Variants in PCSK5 observed in about 807,000 individuals in gnomAD.
The protein encoded by PCSK5 is proprotein convertase subtilisin/kexin type 5, also known as prohormone convertase 5.
In PCSK5, 129 loss-of-function variants were observed where a neutral mutation model predicts 233.2. The ratio of observed to expected loss-of-function variants is 0.55; its 90% CI spans 0.48 to 0.64. PCSK5 has a LOEUF of 0.64. Among genes scored for constraint, PCSK5 ranks in the 30% least tolerant of loss-of-function variants. The pLI is 0.00. For synonymous variants in PCSK5, 825 were observed against 879.2 expected (o/e 0.94, Z 1.09); for missense variants, 2,076 against 2,430.1 (o/e 0.85, Z 3.06).
intron 10 of PCSK5, among the ~76,000 whole-genome samples, chr9:76,138,642 T>A (rs367788620): frequency 1.3e-5 from 2 of 152,186 alleles, no homozygotes; most frequent in African/African-American, 2.4e-5. Context: ...TAATTATAAT[T>A]GAATGCATGC....
intron 5 of PCSK5, among the ~76,000 whole-genome samples, chr9:76,028,979 C>A (rs1828545342): frequency 6.6e-6 from 1 of 152,026 alleles, no homozygotes; most frequent in African/African-American, 2.4e-5. Context: ...GATTCTAGTC[C>A]CTCCCCTTGG....
chr9:76,325,640 C>T (rs1420969799), intron 32 of PCSK5, among the ~76,000 whole-genome samples: 5 of 140,426 alleles, frequency 3.6e-5, no homozygotes, highest in African/African-American at 1.4e-4. Flanking sequence ...TGACATTGCA[C>T]TTTCTTTTTT....
intron 20 of PCSK5, chr9:76,193,481 T>TTTCTC: frequency 1.4e-6 from 1 of 702,920 alleles, no homozygotes; most frequent in East Asian, 2.8e-5. Flanking sequence ...TCTCTTTTTC[T>TTTCTC]TTCTCTCTCT....
intron 5 of PCSK5, among the ~76,000 whole-genome samples, chr9:76,034,658 A>G (rs1033734250): frequency 4.6e-5 from 7 of 152,076 alleles, no homozygotes; most frequent in Non-Finnish European, 7.4e-5. Context: ...CCCGCATGGT[A>G]TGAGCTGGTT....
intron 13 of PCSK5, among the ~76,000 whole-genome samples, chr9:76,173,389 C>A (rs979225943): frequency 1.3e-5 from 2 of 151,530 alleles, no homozygotes; most frequent in African/African-American, 4.8e-5. Context: ...TACCTTCCTA[C>A]CAGCATATGC....
At chr9:76,302,951 A>C (rs1029902667) in intron 28 of PCSK5, among the ~76,000 whole-genome samples, 1 of 145,654 alleles carries the variant, frequency 6.9e-6, no homozygotes, top group Non-Finnish European at 1.5e-5. Flanking sequence ...TTCTGGGTCA[A>C]AGTGGTTCTT....
At chr9:76,192,878 G>A (rs1375487551) in intron 20 of PCSK5, among the ~76,000 whole-genome samples, 1 of 151,906 alleles carries the variant, frequency 6.6e-6, no homozygotes, top group Non-Finnish European at 1.5e-5. Context: ...TAGATTCAAT[G>A]AAATATGGTA....
intron 12 of PCSK5, among the ~76,000 whole-genome samples, chr9:76,159,501 T>C (rs894658557): frequency 1.3e-5 from 2 of 152,252 alleles, no homozygotes; most frequent in Non-Finnish European, 2.9e-5. Context: ...TCTGTTGTCA[T>C]TCGTTACAGA....
At chr9:76,212,176 G>C (rs1051359313) in intron 20 of PCSK5, among the ~76,000 whole-genome samples, 1 of 152,136 alleles carries the variant, frequency 6.6e-6, no homozygotes, top group African/African-American at 2.4e-5. Context: ...GGACAGGATG[G>C]CCCCTCTGAA....
intron 2 of PCSK5, among the ~76,000 whole-genome samples, chr9:75,950,113 C>A (rs535047669): frequency 8.8e-6 from 1 of 113,702 alleles, no homozygotes; most frequent in Admixed American, 1.3e-4. Flanking sequence ...ACCCTTAAAC[C>A]TTTATAGTGG....
intron 5 of PCSK5, among the ~76,000 whole-genome samples, chr9:76,053,179 T>C (rs1040040425): frequency 6.6e-6 from 1 of 152,188 alleles, no homozygotes; most frequent in South Asian, 2.1e-4. Flanking sequence ...TGGAGGATGG[T>C]GGCCCTCTTC....
At chr9:76,214,549 A>T (rs1214286294) in intron 20 of PCSK5, among the ~76,000 whole-genome samples, 1 of 152,136 alleles carries the variant, frequency 6.6e-6, no homozygotes, top group Non-Finnish European at 1.5e-5. Flanking sequence ...TCATTGCCTC[A>T]ACTTTCTCAA....
At chr9:76,274,170 C>CT (rs1425293432) in intron 24 of PCSK5, among the ~76,000 whole-genome samples, 1 of 151,786 alleles carries the variant, frequency 6.6e-6, no homozygotes, top group African/African-American at 2.4e-5. Context: ...TTCTTTATAT[C>CT]TATCTTTGAG....
chr9:76,127,199 T>C (rs372889717), intron 9 of PCSK5, among the ~76,000 whole-genome samples: 3 of 152,324 alleles, frequency 2.0e-5, no homozygotes, highest in African/African-American at 7.2e-5. Flanking sequence ...TCCAGGGGTT[T>C]AACTACTGGT....
At chr9:76,089,390 GT>G (rs1435266299) in intron 7 of PCSK5, among the ~76,000 whole-genome samples, 3 of 152,158 alleles carry the variant, frequency 2.0e-5, no homozygotes, top group African/African-American at 7.2e-5. Flanking sequence ...AGATCCAGAG[GT>G]TCTGATCAGA....
At chr9:76,293,678 C>A (rs1828346610) in intron 25 of PCSK5, among the ~76,000 whole-genome samples, 1 of 152,130 alleles carries the variant, frequency 6.6e-6, no homozygotes, top group Non-Finnish European at 1.5e-5. Context: ...TAAACTTTGT[C>A]AAACATCCTC....
At chr9:76,269,565 T>C (rs757087633) in intron 24 of PCSK5, among the ~76,000 whole-genome samples, 3 of 152,170 alleles carry the variant, frequency 2.0e-5, no homozygotes, top group Non-Finnish European at 2.9e-5. Flanking sequence ...CCCGGCAGTA[T>C]ACAAAAGAAA....
At chr9:75,981,023 C>G (rs890010744) in intron 2 of PCSK5, among the ~76,000 whole-genome samples, 5 of 152,078 alleles carry the variant, frequency 3.3e-5, no homozygotes, top group Non-Finnish European at 7.4e-5. Flanking sequence ...CTGAATTGGT[C>G]GAAGCTAGTT....
At chr9:76,177,454 A>G (rs1380514781) in intron 14 of PCSK5, among the ~76,000 whole-genome samples, 1 of 152,238 alleles carries the variant, frequency 6.6e-6, no homozygotes, top group East Asian at 1.9e-4. Context: ...ATACACATGT[A>G]GTTACTTTTA....
Sources: allele counts gnomAD v4.1 joint callset (sites outside exome capture counted in the v4.1 genomes callset), GRCh38; gene constraint gnomAD v4.1.1; transcripts MANE v1.5; gene names NCBI Gene and HGNC (gene_info 2026-07-23, HGNC 2026-07-21).